HVCN1: variants seen among roughly 807,000 people sequenced by gnomAD.
The protein encoded by HVCN1 is hydrogen voltage gated channel 1.
HVCN1 carries 14 observed loss-of-function variants against 29.2 expected under a neutral mutation model. That is an observed-to-expected ratio of 0.48 (90% confidence interval 0.32 to 0.75). The LOEUF (loss-of-function observed/expected upper bound fraction) is 0.75, where lower values mean the gene tolerates loss of function less well. Ranked by LOEUF, HVCN1 falls within the 30% of genes least tolerant of loss-of-function variation. The pLI is 0.04. For missense variants in HVCN1, 263 were observed against 341.8 expected, an observed-to-expected ratio of 0.77 and a Z score of 1.82; for synonymous variants, 131 against 133.2, an observed-to-expected ratio of 0.98 and a Z score of 0.11.
At chr12:110,659,829 A>G (rs1294689943) in intron 4 of HVCN1, among the ~76,000 whole-genome samples, 2 of 152,178 alleles carry the variant, frequency 1.3e-5, no homozygotes, top group African/African-American at 2.4e-5. Context: ...GCACTTTGGG[A>G]GGCTGACACG....
At chr12:110,677,270 C>G (rs536785926) in intron 3 of HVCN1, among the ~76,000 whole-genome samples, 1 of 152,150 alleles carries the variant, frequency 6.6e-6, no homozygotes, top group South Asian at 2.1e-4. Flanking sequence ...TCTATCTAGC[C>G]TCTGTCTGCC....
Position 110,675,339 on chromosome 12 carries a change from G to T in HVCN1, c.21+7886C>A, listed in dbSNP as rs535983402. 5.3e-5 allele frequency among the ~76,000 whole-genome samples: 8 copies of T among 152,204 alleles called. No individual in the cohort carries two copies. The South Asian group carries it at 8.3e-4, about 16-fold the overall frequency. The stretch of plus-strand genomic sequence containing the variant: ...CCAGGCGTGGTGGCGCATGCCTGTA[G>T]TCCCAACTACTTGGGAGGCTGAGGC... On this transcript the variant is annotated intron_variant, in intron 3 of 7. Transcript: ENST00000242607.
rs1006386398 is a variant in HVCN1, at chr12:110,672,271, A to G, written c.22-10823T>C. Reference sequence around the variant, plus strand: ...ACTACAGGTGTGTGCCACCATGGCTACCTTGGTTTCTATCAACATTTAAAA... The same window carrying G: ...ACTACAGGTGTGTGCCACCATGGCTGCCTTGGTTTCTATCAACATTTAAAA... On this transcript the variant is annotated intron_variant, in intron 3 of 7. Coordinates refer to ENST00000242607, the MANE Select transcript of HVCN1 (RefSeq NM_032369.4). 1.3e-4 allele frequency among the ~76,000 whole-genome samples: 20 copies of G among 152,240 alleles called. No individual in the cohort carries two copies. The South Asian group carries it at 1.7e-3, about 13-fold the overall frequency.
chr12:110,680,741 A>C (rs1223000500), intron 3 of HVCN1, among the ~76,000 whole-genome samples: 7 of 152,074 alleles, frequency 4.6e-5, no homozygotes, highest in African/African-American at 1.7e-4. Flanking sequence ...ATATGGAGAA[A>C]CCCTGTCTCT....
chr12:110,650,948 ACT>A (rs1347050791), intron 6 of HVCN1, among the ~76,000 whole-genome samples: 2 of 151,816 alleles, frequency 1.3e-5, no homozygotes, highest in Non-Finnish European at 2.9e-5. Context: ...GATCCTCCTG[ACT>A]CAGCCTCCCA....
chr12:110,657,222 G>A (rs1382977891), intron 4 of HVCN1, among the ~76,000 whole-genome samples: 3 of 152,148 alleles, frequency 2.0e-5, no homozygotes, highest in Admixed American at 6.5e-5. Context: ...GGCCGGACAC[G>A]GTGGCTCATG....
chr12:110,692,961 G>T (rs1196834578), upstream of HVCN1, among the ~76,000 whole-genome samples: 1 of 152,086 alleles, frequency 6.6e-6, no homozygotes, highest in Admixed American at 6.6e-5. Context: ...AAACTCCCAG[G>T]CTCAAGTGAT....
intron 3 of HVCN1, 140 bp downstream of exon 3, chr12:110,683,085 A>C (rs757452739): frequency 1.7e-6 from 2 of 1,171,734 alleles, no homozygotes; most frequent in Non-Finnish European, 2.5e-6. Flanking sequence ...ACAGCTTTTC[A>C]TCATTTTGAT....
In HVCN1 at chr12:110,649,451, T is replaced by A; in HGVS notation, c.781A>T (p.Lys261Ter). 1 of 1,607,384 alleles carries A rather than the reference T, an allele frequency of 6.2e-7. No individual in the cohort carries two copies. Among genetic ancestry groups the A allele is most frequent in the Non-Finnish European group, 8.5e-7 (1 of 1,175,654 alleles). The change falls in exon 8 of 8, where the codon AAA becomes TAA. Residue 261 changes from lysine (K) to a stop codon, truncating the protein, a stop_gained. Coordinates refer to ENST00000242607, the MANE Select transcript of HVCN1 (RefSeq NM_032369.4). LOFTEE classifies it high-confidence loss of function. ...AGAAGTCCATGCTGTCGCAATAGTT[T>A]GTTAAGTCTTTCAATTTCTTGTTCC... is the stretch of plus-strand genomic sequence containing the variant. Reference protein sequence around the residue: ...EKEQEIERLNKLLRQHGLLGE... With the variant: ...EKEQEIERLN
chr12:110,658,841 G>A lies in HVCN1; in HGVS notation c.306+2323C>T, dbSNP rs560415249. On this transcript the variant is annotated intron_variant, in intron 4 of 7. Transcript: ENST00000242607. This position sits in a 1 kb window ranked among gnomAD's most constrained non-coding sequence, Gnocchi z 5.0. Reference sequence around the variant, plus strand: ...CTCAATAAGTGACTGTTGGGTGGGTGAATAAACACCTCCACTCACTTTATG... The same window carrying A: ...CTCAATAAGTGACTGTTGGGTGGGTAAATAAACACCTCCACTCACTTTATG... 3.9e-5 allele frequency among the ~76,000 whole-genome samples: 6 copies of A among 152,326 alleles called. No individual in the cohort carries two copies. The highest frequency in any genetic ancestry group is 1.2e-4 in the African/African-American group (5 of 41,570).
chr12:110,669,928 T>A lies in HVCN1; in HGVS notation c.22-8480A>T, dbSNP rs535391947. On this transcript the variant is annotated intron_variant, in intron 3 of 7. Coordinates refer to ENST00000242607, the MANE Select transcript of HVCN1 (RefSeq NM_032369.4). ...AAAATTAGCCAGGCATGGTGGCACATGCCTGTAATCCCAGCTACCTGGGAG... is the reference window on the plus strand; with the variant it reads ...AAAATTAGCCAGGCATGGTGGCACAAGCCTGTAATCCCAGCTACCTGGGAG... Among the ~76,000 whole-genome samples, 4 of 152,186 alleles carry A rather than the reference T, an allele frequency of 2.6e-5. No individual in the cohort carries two copies. The East Asian group carries it at 7.7e-4, about 29-fold the overall frequency.
At chr12:110,671,703 C>G (rs1222120199) in intron 3 of HVCN1, among the ~76,000 whole-genome samples, 2 of 152,320 alleles carry the variant, frequency 1.3e-5, no homozygotes, top group Non-Finnish European at 1.5e-5. Context: ...AAGGAGAAAG[C>G]CGACTTCTTC....
chr12:110,704,779 C>T (rs1270008077), intron 1 of HVCN1: 1 of 152,276 alleles, frequency 6.6e-6, no homozygotes, highest in Non-Finnish European at 1.5e-5. Context: ...TAGTAGGCCC[C>T]CAGGTATCCC....
At chr12:110,679,746 G>A (rs976205157) in intron 3 of HVCN1, among the ~76,000 whole-genome samples, 3 of 152,064 alleles carry the variant, frequency 2.0e-5, no homozygotes, top group Non-Finnish European at 2.9e-5. Flanking sequence ...CCAGCTACTC[G>A]GGAGGCTGAG....
intron 3 of HVCN1, among the ~76,000 whole-genome samples, chr12:110,677,481 C>A (rs184867334): frequency 1.3e-5 from 2 of 152,334 alleles, no homozygotes; most frequent in Admixed American, 1.3e-4. Flanking sequence ...ATCACACTCT[C>A]ATGTGGCCCA....
chr12:110,657,515 A>AC (rs561565363), intron 4 of HVCN1, among the ~76,000 whole-genome samples: 7 of 151,892 alleles, frequency 4.6e-5, no homozygotes, highest in Admixed American at 6.6e-5. Flanking sequence ...AAAGAAAAAA[A>AC]AAAAAAAAGA....
upstream of HVCN1, among the ~76,000 whole-genome samples, chr12:110,690,302 T>G (rs1006352169): frequency 1.3e-5 from 2 of 152,184 alleles, no homozygotes; most frequent in African/African-American, 4.8e-5. Flanking sequence ...CAGCTCAGGA[T>G]CCTTCACATA....
upstream of HVCN1, among the ~76,000 whole-genome samples, chr12:110,692,598 C>T (rs1375623401): frequency 2.0e-5 from 3 of 152,028 alleles, no homozygotes; most frequent in African/African-American, 7.2e-5. Flanking sequence ...GTGGTGTGCC[C>T]CTGTAGTCCC....
rs766280407 is a variant in HVCN1 at position 110,650,177 on chromosome 12, G to C, written c.747C>G (p.Cys249Trp). Residue 249 changes from cysteine to tryptophan, a missense_variant, in exon 7 of 8, where the codon TGC (cysteine) becomes TGG (tryptophan). By Grantham distance (215) the Cys-to-Trp change is radical. Transcript: ENST00000242607. Reference sequence around the variant, plus strand: ...GTGTCGTCTTTCTTACCTTCTCAGAGCAGCTGAACTCAAGGTGTTGAATCT... The same window carrying C: ...GTGTCGTCTTTCTTACCTTCTCAGACCAGCTGAACTCAAGGTGTTGAATCT... Reference protein sequence around the residue: ...AAKIQHLEFSCSEKEQEIERL... With the variant: ...AAKIQHLEFSWSEKEQEIERL... The C allele has an allele frequency of 1.1e-5, 17 of 1,606,588 alleles. No homozygotes were observed. The highest frequency in any genetic ancestry group is 1.3e-5 in the Non-Finnish European group (15 of 1,173,394).
Sources: allele counts gnomAD v4.1 joint callset (sites outside exome capture counted in the v4.1 genomes callset), GRCh38; gene constraint gnomAD v4.1.1; non-coding constraint Gnocchi (gnomAD v3.1); transcripts MANE v1.5; gene names NCBI Gene and HGNC (gene_info 2026-07-23, HGNC 2026-07-21).